The following BSN variants were observed in gnomAD, a reference collection of about 807,000 sequenced individuals.
The protein encoded by BSN is protein bassoon.
In BSN, 57 loss-of-function variants were observed where a neutral mutation model predicts 264.8. That is an observed-to-expected ratio of 0.22 (90% confidence interval 0.17 to 0.27). The LOEUF (loss-of-function observed/expected upper bound fraction) is 0.27. Ranked by LOEUF, BSN falls within the 10% of genes least tolerant of loss-of-function variation. The probability of loss-of-function intolerance (pLI) is 1.00; values close to 1 mark genes in which losing one functional copy is unlikely to be tolerated. For missense variants in BSN, 4,615 were observed against 5,232.5 expected, an observed-to-expected ratio of 0.88 and a Z score of 3.64; for synonymous variants, 2,059 against 2,137.3, an observed-to-expected ratio of 0.96 and a Z score of 1.01.
chr3:49,617,769 T>C (rs535981088), intron 1 of BSN, among the ~76,000 whole-genome samples: 1 of 152,272 alleles, frequency 6.6e-6, no homozygotes, highest in Admixed American at 6.5e-5. Context: ...TGTTCAGGTG[T>C]GTGGTACAGA....
intron 1 of BSN, among the ~76,000 whole-genome samples, chr3:49,570,237 G>T (rs375745301): frequency 6.6e-6 from 1 of 152,162 alleles, no homozygotes; most frequent in Non-Finnish European, 1.5e-5. Context: ...GAGTCAGAAG[G>T]GGGTTTCCTG....
intron 3 of BSN, among the ~76,000 whole-genome samples, chr3:49,644,716 CTG>C (rs987185223): frequency 6.6e-6 from 1 of 152,216 alleles, no homozygotes; most frequent in African/African-American, 2.4e-5. Context: ...CACTGAGCGA[CTG>C]TGAGCCCCAG....
chr3:49,596,489 G>T (rs1036899510), intron 1 of BSN, among the ~76,000 whole-genome samples: 1 of 152,162 alleles, frequency 6.6e-6, no homozygotes, highest in Non-Finnish European at 1.5e-5. Context: ...ATTCCTACTT[G>T]ATGAGACTTT....
Position 49,652,822 on chromosome 3 carries a change from G to A in BSN, c.3266G>A (p.Arg1089His), listed in dbSNP as rs753353853. Residue 1089 changes from arginine (R) to histidine (H), a missense_variant, in exon 5 of 12, where the codon CGC (arginine) becomes CAC (histidine). Arg to His is a conservative substitution (Grantham distance 29, BLOSUM62 0). Coordinates refer to ENST00000296452, the MANE Select transcript of BSN (RefSeq NM_003458.4). ...EELRAQRRRE[R>H]SKTPPSNLSP... ...CTGCGGGCCCAGCGGAGGCGAGAGC[G>A]CTCCAAGACACCACCCAGTAACTTG... 5.7e-6 allele frequency: 9 copies of A among 1,573,122 alleles called. No homozygotes were observed. Among genetic ancestry groups the A allele is most frequent in the South Asian group, 1.2e-5 (1 of 85,542 alleles).
At position 49,662,408 on chromosome 3, in the gene BSN, C is replaced by T; in HGVS notation, c.10563C>T (p.Leu3521=). The change falls in exon 6 of 12, where the codon CTC becomes CTT. Residue 3521 remains leucine (L), a synonymous_variant. Coordinates refer to ENST00000296452, the MANE Select transcript of BSN (RefSeq NM_003458.4). ...GGCCCCGCCCTGCCGGAGGGCCCCT[C>T]CCTCCCGGCGGGGATACCTGCCCAC... is the stretch of plus-strand genomic sequence containing the variant. ...LGRPRPAGGP[L]PPGGDTCPQF... is the part of the protein sequence containing the mutation. 1.2e-6 allele frequency: 2 copies of T among 1,613,576 alleles called. No homozygotes were observed. Among genetic ancestry groups the T allele is most frequent in the Non-Finnish European group, 1.7e-6 (2 of 1,180,006 alleles).
In BSN at chr3:49,671,205, A is replaced by T. The variant is rs1384734493; in HGVS notation, c.*3720A>T. ...CTGCCTCATTCAGTTTCTGGGGTCA[A>T]ATCAGCTCCTTCTCTCCAAGTGCAC... is the stretch of plus-strand genomic sequence containing the variant. On this transcript the variant is annotated 3_prime_UTR_variant, in exon 12 of 12. Transcript: ENST00000296452. This position sits in a 1 kb window ranked among gnomAD's most constrained non-coding sequence, Gnocchi z 4.1. The T allele has an allele frequency of 6.6e-6, 1 of 152,248 alleles. No individual in the cohort carries two copies. Among genetic ancestry groups the T allele is most frequent in the Admixed American group, 6.6e-5 (1 of 15,258 alleles). 9.4% of individuals were successfully genotyped at this position (152,248 alleles called of 1,614,324 possible).
intron 1 of BSN, among the ~76,000 whole-genome samples, chr3:49,605,990 AAAT>A (rs1292257576): frequency 2.1e-5 from 2 of 93,282 alleles, no homozygotes; most frequent in African/African-American, 8.8e-5. Flanking sequence ...TATAAATAAA[AAAT>A]ATATATTTAT....
At position 49,653,069 on chromosome 3, in the gene BSN, C is replaced by G. The variant is rs754015402; in HGVS notation, c.3513C>G (p.Ser1171Arg). 3.1e-6 allele frequency: 5 copies of G among 1,613,612 alleles called. No homozygotes were observed. Among genetic ancestry groups the G allele is most frequent in the Non-Finnish European group, 3.4e-6 (4 of 1,180,044 alleles). The change falls in exon 5 of 12, where the codon AGC becomes AGG. Residue 1171 changes from serine (S) to arginine (R), a missense_variant. Ser to Arg is a moderately radical substitution (Grantham distance 110). Coordinates refer to ENST00000296452, the MANE Select transcript of BSN (RefSeq NM_003458.4). This position sits in a 1 kb window ranked among gnomAD's most constrained non-coding sequence, Gnocchi z 6.3. The part of the protein sequence containing the change: ...LYSPTETPSG[S>R]STTPSSGRPL... The stretch of plus-strand genomic sequence containing the variant: ...CACCAACCGAGACACCCTCCGGCAG[C>G]TCCACCACTCCCAGTTCCGGACGGC...
intron 1 of BSN, among the ~76,000 whole-genome samples, chr3:49,557,366 A>G (rs1230647243): frequency 6.6e-6 from 1 of 152,130 alleles, no homozygotes; most frequent in Non-Finnish European, 1.5e-5. Context: ...TAATTCATTT[A>G]CTTATTTATG....
intron 11 of BSN, 75 bp downstream of exon 11, chr3:49,665,393 A>G (rs1478731245): frequency 1.3e-5 from 2 of 152,546 alleles, no homozygotes; most frequent in African/African-American, 4.8e-5. Context: ...ACAGCTAGCC[A>G]GTTCTGACAA....
chr3:49,655,033 G>C lies in BSN; in HGVS notation c.5477G>C (p.Ser1826Thr), dbSNP rs2052584371. The part of the protein sequence containing the change: ...VLITQMGTAQ[S>T]IGLKPGPVPE... ...ATCACTCAGATGGGCACCGCCCAGA[G>C]CATTGGCCTCAAGCCAGGCCCAGTG... The change falls in exon 5 of 12, where the codon AGC becomes ACC. Residue 1826 changes from serine (S) to threonine (T), a missense_variant. Around this residue, in one of 3 missense-constraint regions of BSN, gnomAD observed 3,415 missense variants for 3,866.4 expected, o/e 0.88. Transcript: ENST00000296452. 3.1e-6 allele frequency: 5 copies of C among 1,613,192 alleles called. No homozygotes were observed. The highest frequency in any genetic ancestry group is 3.4e-6 in the Non-Finnish European group (4 of 1,180,036).
At chr3:49,563,551 A>G (rs1191580633) in intron 1 of BSN, among the ~76,000 whole-genome samples, 2 of 152,200 alleles carry the variant, frequency 1.3e-5, no homozygotes, top group Non-Finnish European at 2.9e-5. Context: ...AGACTCCTTC[A>G]TTTGTAGAAT....
chr3:49,627,373 C>T (rs1264177862), intron 2 of BSN, among the ~76,000 whole-genome samples: 2 of 152,130 alleles, frequency 1.3e-5, no homozygotes, highest in East Asian at 3.9e-4. Context: ...TCAGGTAGAA[C>T]CTTCGCTTCT....
intron 10 of BSN, among the ~76,000 whole-genome samples, 178 bp from the exon 11 acceptor site, chr3:49,665,051 T>C (rs9882740): frequency 0.27 from 41,019 of 152,026 alleles, 6,071 homozygotes; most frequent in Middle Eastern, 0.31. Flanking sequence ...GCCCCTACCA[T>C]GGGGCCAACA....
intron 1 of BSN, among the ~76,000 whole-genome samples, chr3:49,582,261 C>T (rs1237089772): frequency 6.6e-6 from 1 of 152,154 alleles, no homozygotes; most frequent in Non-Finnish European, 1.5e-5. Flanking sequence ...GCTTATTGGC[C>T]ATTTGTAAAT....
chr3:49,558,732 T>C (rs1345916399), intron 1 of BSN, among the ~76,000 whole-genome samples: 1 of 152,202 alleles, frequency 6.6e-6, no homozygotes, highest in Non-Finnish European at 1.5e-5. Flanking sequence ...TGAATTAAAG[T>C]GACCTTACAT....
intron 1 of BSN, among the ~76,000 whole-genome samples, chr3:49,576,147 C>G (rs2051843968): frequency 6.6e-6 from 1 of 151,994 alleles, no homozygotes; most frequent in East Asian, 1.9e-4. Flanking sequence ...CTCCTGTGTC[C>G]CAGGTGAATC....
chr3:49,634,292 G>A (rs1285068610), intron 2 of BSN, among the ~76,000 whole-genome samples: 9 of 152,198 alleles, frequency 5.9e-5, no homozygotes, highest in African/African-American at 7.2e-5. Flanking sequence ...AAAGAATTAC[G>A]AAGATGAATG....
rs945799503 is a variant in BSN at position 49,663,152 on chromosome 3, G to T, written c.10994G>T (p.Arg3665Leu). 3.7e-6 allele frequency: 6 copies of T among 1,612,760 alleles called. No individual in the cohort carries two copies. In the African/African-American group the frequency reaches 6.7e-5, roughly 18 times the overall value. Residue 3665 changes from arginine to leucine, a missense_variant, in exon 7 of 12, where the codon CGT becomes CTT. By Grantham distance (102) the Arg-to-Leu change is moderately radical. This residue lies in a region of BSN where 3,415 missense variants were observed against 3,866.4 expected (regional missense o/e 0.88). Coordinates refer to ENST00000296452, the MANE Select transcript of BSN (RefSeq NM_003458.4). Reference sequence around the variant, plus strand: ...CACACTGGTGAGGAGCCGGGACGGCGTGCTGCCAAACCACACGCTCGGGAC... The same window carrying T: ...CACACTGGTGAGGAGCCGGGACGGCTTGCTGCCAAACCACACGCTCGGGAC... ...GRHTGEEPGR[R>L]AAKPHARDLG...
Sources: allele counts gnomAD v4.1 joint callset (sites outside exome capture counted in the v4.1 genomes callset), GRCh38; gene constraint gnomAD v4.1.1; regional missense constraint gnomAD v4.1.1; non-coding constraint Gnocchi (gnomAD v3.1); transcripts MANE v1.5; gene names NCBI Gene and HGNC (gene_info 2026-07-23, HGNC 2026-07-21).